FRMD4A: variants seen among roughly 807,000 people sequenced by gnomAD.
FRMD4A encodes the protein FERM domain-containing protein 4A.
In FRMD4A, 29 loss-of-function variants were observed where a neutral mutation model predicts 129.1. The ratio of observed to expected loss-of-function variants is 0.22; its 90% confidence interval spans 0.17 to 0.31. The LOEUF (loss-of-function observed/expected upper bound fraction) is 0.31, where lower values mean the gene tolerates loss of function less well. Among genes scored for constraint, FRMD4A ranks in the 10% least tolerant of loss-of-function variants. FRMD4A has a pLI of 1.00. For missense variants in FRMD4A, 1,272 were observed against 1,375.8 expected (o/e 0.92, Z 1.19); for synonymous variants, 634 against 571.6 (o/e 1.11, Z -1.56).
At chr10:13,847,653 G>A (rs778497846) in intron 3 of FRMD4A, among the ~76,000 whole-genome samples, 8 of 152,170 alleles carry the variant, frequency 5.3e-5, no homozygotes, top group Non-Finnish European at 1.2e-4. Flanking sequence ...TCCAGCGGGT[G>A]GGATGTGTGG....
intron 2 of FRMD4A, among the ~76,000 whole-genome samples, chr10:14,181,202 C>T (rs1358914039): frequency 6.6e-6 from 1 of 152,222 alleles, no homozygotes; most frequent in African/African-American, 2.4e-5. Flanking sequence ...GGTTCTCTAC[C>T]TGCCCCGATG....
intron 2 of FRMD4A, among the ~76,000 whole-genome samples, chr10:13,892,768 G>T (rs976118317): frequency 4.6e-5 from 7 of 152,176 alleles, no homozygotes; most frequent in Admixed American, 2.0e-4. Flanking sequence ...GTACTTGGTA[G>T]ATCTAGAAAC....
chr10:14,011,594 G>A (rs1285947168), intron 2 of FRMD4A, among the ~76,000 whole-genome samples: 1 of 152,214 alleles, frequency 6.6e-6, no homozygotes, highest in Non-Finnish European at 1.5e-5. Flanking sequence ...TAGCCATATA[G>A]GCAGGGCAGG....
chr10:14,030,947 G>A (rs1356900039), intron 2 of FRMD4A, among the ~76,000 whole-genome samples: 1 of 152,098 alleles, frequency 6.6e-6, no homozygotes, highest in African/African-American at 2.4e-5. Flanking sequence ...CCAGTCACAA[G>A]GATGAATTTC....
intron 20 of FRMD4A, among the ~76,000 whole-genome samples, chr10:13,659,927 A>T (rs1431230099): frequency 6.6e-6 from 1 of 152,188 alleles, no homozygotes; most frequent in African/African-American, 2.4e-5. Context: ...AGCTTGGATT[A>T]CAGCTGCTTG....
chr10:13,665,683 G>A (rs1450657428), intron 18 of FRMD4A, among the ~76,000 whole-genome samples: 4 of 152,312 alleles, frequency 2.6e-5, no homozygotes, highest in Admixed American at 6.5e-5. Context: ...GGGGCCGCTC[G>A]AAGACAGGGA....
intron 4 of FRMD4A, among the ~76,000 whole-genome samples, chr10:13,808,895 C>T (rs1388143399): frequency 2.0e-5 from 3 of 152,236 alleles, no homozygotes; most frequent in Non-Finnish European, 2.9e-5. Flanking sequence ...CTCTTCATCA[C>T]TGCCCCCCAC....
chr10:14,279,907 C>T (rs942752450), intron 2 of FRMD4A, among the ~76,000 whole-genome samples: 6 of 152,208 alleles, frequency 3.9e-5, no homozygotes, highest in Admixed American at 3.9e-4. Flanking sequence ...TTGCTGTCTT[C>T]GCAGGTCCCA....
chr10:13,657,960 G>A (rs940646969), intron 21 of FRMD4A, among the ~76,000 whole-genome samples: 6 of 151,602 alleles, frequency 4.0e-5, no homozygotes, highest in African/African-American at 9.7e-5. Context: ...GTGCAACACT[G>A]TAAGACCTCA....
chr10:13,726,967 G>A (rs1466210762), intron 12 of FRMD4A, among the ~76,000 whole-genome samples: 3 of 152,056 alleles, frequency 2.0e-5, no homozygotes, highest in South Asian at 2.1e-4. Flanking sequence ...GCGATGGCAC[G>A]ACCTCGGCCA....
chr10:14,314,827 G>C (rs1846677109), intron 2 of FRMD4A, among the ~76,000 whole-genome samples: 2 of 151,958 alleles, frequency 1.3e-5, no homozygotes, highest in South Asian at 4.2e-4. Flanking sequence ...TCCTCTCTAT[G>C]CTTACTCATT....
intron 2 of FRMD4A, among the ~76,000 whole-genome samples, chr10:13,973,653 C>A (rs2095529561): frequency 6.6e-6 from 1 of 151,836 alleles, no homozygotes; most frequent in African/African-American, 2.4e-5. Flanking sequence ...TCTACAAAAA[C>A]CCCATCACCA....
intron 2 of FRMD4A, 120 bp from the exon 3 acceptor site, chr10:13,859,032 G>T (rs530577049): frequency 2.5e-5 from 18 of 725,770 alleles, no homozygotes; most frequent in Non-Finnish European, 4.0e-5. Flanking sequence ...TCTGGGAGTC[G>T]GCACTGTATA....
intron 9 of FRMD4A, among the ~76,000 whole-genome samples, chr10:13,743,466 G>A (rs542013273): frequency 6.6e-6 from 1 of 152,152 alleles, no homozygotes; most frequent in Admixed American, 6.5e-5. Context: ...CAGCACTAGG[G>A]AGAGAGGGTC....
At position 13,880,284 on chromosome 10, in the gene FRMD4A, G is replaced by T. The variant is rs4558064; in HGVS notation, c.46-21372C>A. On this transcript the variant is annotated intron_variant, in intron 2 of 24. Coordinates refer to ENST00000357447, the MANE Select transcript of FRMD4A (RefSeq NM_018027.5). Reference sequence around the variant, plus strand: ...AGCTCTGCCTCGTCATCTCCATTTTGTGCTCTTTTGGCCCCAAATTCTGGA... The same window carrying T: ...AGCTCTGCCTCGTCATCTCCATTTTTTGCTCTTTTGGCCCCAAATTCTGGA... 2.4e-3 allele frequency among the ~76,000 whole-genome samples: 369 copies of T among 152,192 alleles called. 1 individual carries two copies. The highest frequency in any genetic ancestry group is 8.6e-3 in the African/African-American group (358 of 41,532).
Position 14,068,501 on chromosome 10 carries a change from C to T in FRMD4A, c.46-209589G>A, listed in dbSNP as rs11258850. On this transcript the variant is annotated intron_variant, in intron 2 of 24. Transcript: ENST00000357447. ...TTATACTGCTGTATTTTGTTCATTA[C>T]GTTTGAATTTAAACCTAACTTTGGA... 2.8e-4 allele frequency among the ~76,000 whole-genome samples: 43 copies of T among 152,214 alleles called. No homozygotes were observed. The East Asian group carries it at 6.8e-3, about 24-fold the overall frequency.
intron 2 of FRMD4A, among the ~76,000 whole-genome samples, chr10:14,322,189 AG>A (rs1843085757): frequency 6.6e-6 from 1 of 152,160 alleles, no homozygotes; most frequent in African/African-American, 2.4e-5. Flanking sequence ...GGACTAAGGC[AG>A]GGGACGTGAG....
intron 2 of FRMD4A, among the ~76,000 whole-genome samples, chr10:14,114,440 G>A (rs148561984): frequency 6.6e-6 from 1 of 152,314 alleles, no homozygotes; most frequent in Non-Finnish European, 1.5e-5. Flanking sequence ...GGTTCTTCAA[G>A]TCTTCACTTG....
chr10:14,054,120 G>A (rs10906583), intron 2 of FRMD4A, among the ~76,000 whole-genome samples: 67,173 of 151,488 alleles, frequency 0.44, 15,493 homozygotes, highest in Middle Eastern at 0.53. Flanking sequence ...AGCTCTGATC[G>A]CACCACTGCA....
Sources: gnomAD v4.1 joint callset for allele counts (sites outside exome capture counted in the v4.1 genomes callset) on GRCh38, gnomAD v4.1.1 for gene constraint, MANE v1.5 for transcripts, NCBI Gene and HGNC (gene_info 2026-07-23, HGNC 2026-07-21) for gene names.